ATXN2: variants seen among roughly 807,000 people sequenced by gnomAD.
ATXN2 encodes ataxin 2.
In ATXN2, 37 loss-of-function variants were observed where a neutral mutation model predicts 138.6. That is an observed-to-expected ratio of 0.27 (90% CI 0.21 to 0.35). The LOEUF is 0.35. ATXN2 is among the 10% of genes least tolerant of loss of function. The pLI is 1.00. For missense variants in ATXN2, 1,216 were observed against 1,480.3 expected, an observed-to-expected ratio of 0.82 and a Z score of 2.93; for synonymous variants, 549 against 543.7, an observed-to-expected ratio of 1.01 and a Z score of -0.13.
intron 5 of ATXN2, 22 bp from the exon 6 acceptor site, chr12:111,525,338 G>GAAAGTTTAT: frequency 6.5e-7 from 1 of 1,539,642 alleles, no homozygotes; most frequent in Non-Finnish European, 8.7e-7. Context: ...GGTTTTGGTT[G>GAAAGTTTAT]AAAGTTTATA....
chr12:111,495,424 A>G (rs1712162418), intron 14 of ATXN2, among the ~76,000 whole-genome samples: 1 of 152,198 alleles, frequency 6.6e-6, no homozygotes, highest in Non-Finnish European at 1.5e-5. Context: ...TGCAAATGGA[A>G]ACCAGAAAAG....
intron 14 of ATXN2, among the ~76,000 whole-genome samples, chr12:111,491,627 T>C (rs1445885439): frequency 6.6e-6 from 1 of 152,170 alleles, no homozygotes; most frequent in East Asian, 1.9e-4. Flanking sequence ...CCAGATGACA[T>C]TTCTAGACAT....
intron 20 of ATXN2, 48 bp downstream of exon 20, chr12:111,470,060 T>C: frequency 1.3e-6 from 2 of 1,544,922 alleles, no homozygotes; most frequent in Non-Finnish European, 1.8e-6. Flanking sequence ...GAAACTTAAA[T>C]TAAGAAGAGT....
intron 19 of ATXN2, 148 bp from the exon 20 acceptor site, chr12:111,470,388 T>G (rs1876325030): frequency 8.3e-7 from 1 of 1,205,868 alleles, no homozygotes; most frequent in Admixed American, 2.6e-5. Context: ...CCTCTGAACC[T>G]CTTACAATCA....
chr12:111,519,975 C>T lies in ATXN2; in HGVS notation c.890G>A (p.Arg297Gln), dbSNP rs1020707445. 2.5e-6 allele frequency: 4 copies of T among 1,614,122 alleles called. No homozygotes were observed. The South Asian group carries it at 3.3e-5, about 13-fold the overall frequency. The change falls in exon 8 of 25, where the codon CGA (arginine) becomes CAA (glutamine). Residue 297 changes from arginine to glutamine, a missense_variant. Arg to Gln is a conservative substitution (Grantham distance 43). This residue lies in a region of ATXN2 where 401 missense variants were observed against 528.1 expected (regional missense o/e 0.76). Transcript: ENST00000673436. ...EIESSAQYKA[R>Q]VALENDDRSE... is the part of the protein sequence containing the mutation. ...CCTATCATCATTTTCCAGGGCCACT[C>T]GAGCTTTGTACTGGGCACTTGACTC...
At chr12:111,546,339 G>A (rs919103000) in intron 5 of ATXN2, among the ~76,000 whole-genome samples, 2 of 152,204 alleles carry the variant, frequency 1.3e-5, no homozygotes, top group Non-Finnish European at 2.9e-5. Context: ...TCTGTAAAGA[G>A]ACAGTCAAAT....
rs1351482795 is a variant in ATXN2, at chr12:111,598,222, G to A, written c.251+562C>T. On this transcript the variant is annotated intron_variant, in intron 1 of 24. Transcript: ENST00000673436. The surrounding 1 kb of genome is among the most constrained non-coding windows in gnomAD (Gnocchi z 4.5). ...ATCTTTCCCAGGACTCGGAGGGGGCGGGGAGAGAGCCCCGACAGACCCTGA... is the reference window on the plus strand; with the variant it reads ...ATCTTTCCCAGGACTCGGAGGGGGCAGGGAGAGAGCCCCGACAGACCCTGA... 1.9e-6 allele frequency: 2 copies of A among 1,049,390 alleles called. No homozygotes were observed. The highest frequency in any genetic ancestry group is 2.3e-6 in the Non-Finnish European group (2 of 866,744). The allele number at this position is 1,049,390 out of a possible 1,614,324, so 65.0% of individuals were successfully genotyped here. A position where few individuals can be genotyped will look rare whatever the true frequency, so the allele number is the denominator to read the frequency against.
At chr12:111,569,663 C>G (rs1157727589) in intron 1 of ATXN2, among the ~76,000 whole-genome samples, 1 of 152,100 alleles carries the variant, frequency 6.6e-6, no homozygotes, top group Non-Finnish European at 1.5e-5. Flanking sequence ...CTGCAGTGAG[C>G]CAGGATCATG....
At chr12:111,558,102 G>A (rs1212847185) in intron 1 of ATXN2, among the ~76,000 whole-genome samples, 1 of 152,026 alleles carries the variant, frequency 6.6e-6, no homozygotes, top group Non-Finnish European at 1.5e-5. Flanking sequence ...ATTCAACCAG[G>A]AAAATATTAT....
chr12:111,484,897 A>G (rs1021453095), intron 18 of ATXN2, among the ~76,000 whole-genome samples: 1 of 151,954 alleles, frequency 6.6e-6, no homozygotes, highest in African/African-American at 2.4e-5. Flanking sequence ...TGCCCAGCTA[A>G]TTTTTTTGAA....
At chr12:111,582,915 G>A (rs965987572) in intron 1 of ATXN2, among the ~76,000 whole-genome samples, 3 of 150,860 alleles carry the variant, frequency 2.0e-5, no homozygotes, top group South Asian at 4.2e-4. Context: ...TGATCCACCC[G>A]CCTCGGCCTT....
chr12:111,479,668 G>A (rs1877078428), intron 18 of ATXN2, among the ~76,000 whole-genome samples: 1 of 151,986 alleles, frequency 6.6e-6, no homozygotes, highest in Admixed American at 6.6e-5. Flanking sequence ...CTTTGAATGT[G>A]GCCCAACACA....
At chr12:111,510,327 C>A in intron 12 of ATXN2, 58 bp downstream of exon 12, 2 of 1,535,310 alleles carry the variant, frequency 1.3e-6, no homozygotes, top group East Asian at 2.3e-5. Context: ...ATAATATCAC[C>A]CTCTAACATT....
At chr12:111,485,143 G>T in intron 18 of ATXN2, 122 bp downstream of exon 18, 1 of 816,150 alleles carries the variant, frequency 1.2e-6, no homozygotes, top group Non-Finnish European at 1.9e-6. Context: ...TTCATCAAAA[G>T]CCAATGCATA....
In ATXN2 at chr12:111,488,527, G is replaced by A. The variant is rs1433257887; in HGVS notation, c.2189C>T (p.Pro730Leu). 2.2e-5 allele frequency: 36 copies of A among 1,614,046 alleles called. No homozygotes were observed. Among genetic ancestry groups the A allele is most frequent in the Non-Finnish European group, 3.0e-5 (35 of 1,179,968 alleles). ...VTSQGVQTSSPACKQEKDDKE... is the reference protein window; with the variant it reads ...VTSQGVQTSSLACKQEKDDKE... ...ATCGTCTTTCTCTTGTTTACATGCTGGGCTGGAAGTCTGAACCCCTTGGGA... is the reference window on the plus strand; with the variant it reads ...ATCGTCTTTCTCTTGTTTACATGCTAGGCTGGAAGTCTGAACCCCTTGGGA... The change falls in exon 15 of 25, where the codon CCA becomes CTA. Residue 730 changes from proline (P) to leucine (L), a missense_variant. Around this residue, in one of 4 missense-constraint regions of ATXN2, gnomAD observed 490 missense variants for 653.5 expected, o/e 0.75. Coordinates refer to ENST00000673436, the MANE Select transcript of ATXN2 (RefSeq NM_001372574.1).
At chr12:111,578,875 T>C (rs1883829405) in intron 1 of ATXN2, among the ~76,000 whole-genome samples, 1 of 151,988 alleles carries the variant, frequency 6.6e-6, no homozygotes, top group Non-Finnish European at 1.5e-5. Context: ...ACCTCTTCTC[T>C]ACTAAAAATC....
At chr12:111,535,926 G>A (rs1394260426) in intron 5 of ATXN2, among the ~76,000 whole-genome samples, 1 of 150,442 alleles carries the variant, frequency 6.6e-6, no homozygotes, top group East Asian at 1.9e-4. Context: ...CGTGAACCCA[G>A]GAGGCGGAGC....
At chr12:111,477,951 A>G (rs1310758431) in intron 18 of ATXN2, among the ~76,000 whole-genome samples, 1 of 150,992 alleles carries the variant, frequency 6.6e-6, no homozygotes, top group Non-Finnish European at 1.5e-5. Context: ...GTGCCTGGCT[A>G]ATTTTTCTTT....
At chr12:111,456,523 GA>G (rs1167166594) in intron 22 of ATXN2, among the ~76,000 whole-genome samples, 3 of 152,146 alleles carry the variant, frequency 2.0e-5, no homozygotes, top group Non-Finnish European at 4.4e-5. Flanking sequence ...CTGCCCCAGG[GA>G]ACTGATAGAT....
Sources: gnomAD v4.1 joint callset for allele counts (sites outside exome capture counted in the v4.1 genomes callset) on GRCh38, gnomAD v4.1.1 for gene constraint, gnomAD v4.1.1 regional missense constraint, Gnocchi (gnomAD v3.1) non-coding constraint, MANE v1.5 for transcripts, NCBI Gene and HGNC (gene_info 2026-07-23, HGNC 2026-07-21) for gene names.